FAAH2: variants seen among roughly 807,000 people sequenced by gnomAD.
The protein encoded by FAAH2 is fatty acid amide hydrolase 2, also known as fatty-acid amide hydrolase 2.
A neutral mutation model predicts 36.9 loss-of-function variants in FAAH2; 60 were observed. The ratio of observed to expected loss-of-function variants is 1.63; its 90% CI spans 1.32 to 2.02. The LOEUF is 2.02. Ranked by LOEUF, FAAH2 falls within the 30% of genes most tolerant of loss-of-function variation. The probability of loss-of-function intolerance (pLI) is 0.00; values close to 1 mark genes in which losing one functional copy is unlikely to be tolerated. For missense variants in FAAH2, 689 were observed against 397.5 expected (o/e 1.73, Z -6.23); for synonymous variants, 214 against 143.8 (o/e 1.49, Z -3.49).
the FAAH2 span, among the ~76,000 whole-genome samples, chrX:57,131,521 C>T: frequency 5.4e-5 from 6 of 111,984 alleles, no homozygotes; most frequent in Admixed American, 2.8e-4. Flanking sequence ...GTCCTTGAAG[C>T]CCCCTATCTA....
chrX:57,330,310 G>A (rs980923691), intron 3 of FAAH2, among the ~76,000 whole-genome samples: 7 of 111,264 alleles, frequency 6.3e-5, no homozygotes, highest in South Asian at 3.8e-4. Context: ...GGGTGTGGCC[G>A]TCTTCTGTGG....
chrX:57,292,530 C>CA lies in FAAH2; in HGVS notation c.227dup (p.Asn76LysfsTer19), dbSNP rs1271224968. 1 of 1,209,707 alleles carries CA rather than the reference C, an allele frequency of 8.3e-7. No individual in the cohort carries two copies. The highest frequency in any genetic ancestry group is 3.0e-5 in the East Asian group (1 of 33,725). ...GTATAGATGTTGTTCAGGCTTATAT[C>CA]AACAGAATCAAGGACGTGAACCCAA... On this transcript the variant is annotated frameshift_variant, in exon 2 of 11. Coordinates refer to ENST00000374900, the MANE Select transcript of FAAH2 (RefSeq NM_174912.4). LOFTEE classifies it high-confidence loss of function.
intron 7 of FAAH2, among the ~76,000 whole-genome samples, chrX:57,398,662 G>A (rs559792539): frequency 4.5e-5 from 5 of 110,546 alleles, no homozygotes; most frequent in Non-Finnish European, 9.5e-5. Context: ...TTTATATCCC[G>A]ATCATTGTCC....
At chrX:57,164,625 A>T in the FAAH2 span, among the ~76,000 whole-genome samples, 2 of 112,544 alleles carry the variant, frequency 1.8e-5, no homozygotes, top group Non-Finnish European at 3.8e-5. Flanking sequence ...ACAGGAAATG[A>T]TTCAAATGCA....
chrX:57,306,994 G>GATATATATATATATATATAAATAT (rs770040896), intron 2 of FAAH2, among the ~76,000 whole-genome samples: 3 of 31,023 alleles, frequency 9.7e-5, no homozygotes, highest in Non-Finnish European at 2.2e-4. Flanking sequence ...CACACACACA[G>GATATATATATATATATATAAATAT]ATACATATAT....
At chrX:57,222,396 G>A in the FAAH2 span, among the ~76,000 whole-genome samples, 12 of 111,267 alleles carry the variant, frequency 1.1e-4, no homozygotes, top group African/African-American at 3.6e-4. Context: ...GACAGATGAT[G>A]TAAAGTTGCA....
the FAAH2 span, among the ~76,000 whole-genome samples, chrX:57,198,554 C>A: frequency 8.9e-6 from 1 of 112,556 alleles, no homozygotes; most frequent in African/African-American, 3.2e-5. Context: ...CCTGCCATGA[C>A]CTCTATGCTC....
chrX:57,215,154 G>T, the FAAH2 span, among the ~76,000 whole-genome samples: 1 of 100,172 alleles, frequency 1.0e-5, no homozygotes, highest in Non-Finnish European at 2.0e-5. Context: ...AGTGGGGAAA[G>T]AACATAAACA....
the FAAH2 span, among the ~76,000 whole-genome samples, chrX:57,188,345 C>G: frequency 9.0e-6 from 1 of 111,445 alleles, no homozygotes; most frequent in African/African-American, 3.3e-5. Context: ...TAGTTATTTG[C>G]ATATAGGTGT....
At position 57,386,080 on chromosome X, in the gene FAAH2, G is replaced by T. The variant is rs766030694; in HGVS notation, c.996+5051G>T. Among the ~76,000 whole-genome samples the T allele has an allele frequency of 3.6e-4, 40 of 111,385 alleles. 1 individual carries two copies. Among genetic ancestry groups the T allele is most frequent in the Admixed American group, 3.4e-3 (36 of 10,437 alleles). On this transcript the variant is annotated intron_variant, in intron 7 of 10. Coordinates refer to ENST00000374900, the MANE Select transcript of FAAH2 (RefSeq NM_174912.4). ...CTTAATGAGGATAAAAGAAAAGTGA[G>T]ATCTTCATAAGTTATAAGCCCAGAA...
chrX:57,177,580 AT>A, the FAAH2 span, among the ~76,000 whole-genome samples: 1 of 3,166 alleles, frequency 3.2e-4, no homozygotes, highest in Non-Finnish European at 7.3e-4. Context: ...AAATTTAAAT[AT>A]ATATATATAT....
intron 7 of FAAH2, among the ~76,000 whole-genome samples, chrX:57,384,395 G>A (rs1351827484): frequency 5.8e-5 from 6 of 103,896 alleles, no homozygotes; most frequent in South Asian, 4.6e-4. Flanking sequence ...GCAACCTACA[G>A]AATGGGAGAA....
intron 10 of FAAH2, among the ~76,000 whole-genome samples, chrX:57,485,299 G>T (rs1189427723): frequency 1.8e-5 from 2 of 111,500 alleles, no homozygotes; most frequent in South Asian, 7.5e-4. Context: ...CTGCAAAATG[G>T]TTGGCAGCAA....
At chrX:57,215,272 C>T in the FAAH2 span, among the ~76,000 whole-genome samples, 1 of 111,299 alleles carries the variant, frequency 9.0e-6, no homozygotes, top group Non-Finnish European at 1.9e-5. Context: ...GAAATACCAT[C>T]TCACGCCAGT....
At chrX:57,397,991 G>T (rs2055345530) in intron 7 of FAAH2, among the ~76,000 whole-genome samples, 1 of 110,523 alleles carries the variant, frequency 9.0e-6, no homozygotes, top group African/African-American at 3.3e-5. Flanking sequence ...TGAGAATAAT[G>T]GTTTCCAGCT....
intron 7 of FAAH2, among the ~76,000 whole-genome samples, chrX:57,398,042 A>C (rs938472387): frequency 1.8e-5 from 2 of 111,375 alleles, no homozygotes; most frequent in African/African-American, 6.5e-5. Context: ...CATCTTTTTT[A>C]TGGCTGCATA....
intron 7 of FAAH2, among the ~76,000 whole-genome samples, chrX:57,421,542 T>C (rs2056027583): frequency 1.8e-5 from 2 of 111,908 alleles, no homozygotes; most frequent in Non-Finnish European, 3.8e-5. Context: ...GATGGCCACC[T>C]TCTCACAAGG....
At chrX:57,263,185 T>C in the FAAH2 span, among the ~76,000 whole-genome samples, 2 of 111,635 alleles carry the variant, frequency 1.8e-5, no homozygotes, top group East Asian at 5.6e-4. Context: ...TTGACATGAT[T>C]GTCTATAGAA....
chrX:57,448,424 C>T, intron 9 of FAAH2, 100 bp from the exon 10 acceptor site: 4 of 779,205 alleles, frequency 5.1e-6, no homozygotes, highest in Non-Finnish European at 7.2e-6. Flanking sequence ...TCTCAGTGTT[C>T]TATAATGAAC....
Sources: gnomAD v4.1 joint callset for allele counts (sites outside exome capture counted in the v4.1 genomes callset) on GRCh38, gnomAD v4.1.1 for gene constraint, MANE v1.5 for transcripts, NCBI Gene and HGNC (gene_info 2026-07-23, HGNC 2026-07-21) for gene names.